Variants in WARS2 observed in about 807,000 individuals in gnomAD.
WARS2 encodes tryptophan--tRNA ligase, mitochondrial.
In WARS2, 28 loss-of-function variants were observed where a neutral mutation model predicts 36.5. The observed-to-expected ratio is 0.77, with a 90% CI of 0.57 to 1.05. WARS2 has a LOEUF of 1.05. Among genes scored for constraint, WARS2 ranks in the 50% least tolerant of loss-of-function variants. The pLI is 0.00. For missense variants in WARS2, 435 were observed against 456.8 expected, an observed-to-expected ratio of 0.95 and a Z score of 0.44; for synonymous variants, 174 against 178.4, an observed-to-expected ratio of 0.98 and a Z score of 0.20.
intron 1 of WARS2, among the ~76,000 whole-genome samples, chr1:119,076,889 C>T (rs115107741): frequency 0.021 from 3,245 of 151,918 alleles, 100 homozygotes; most frequent in African/African-American, 0.071. Context: ...CCTGTAATCC[C>T]GACACTTTGG....
intron 1 of WARS2, among the ~76,000 whole-genome samples, chr1:119,084,819 A>C (rs1176360833): frequency 6.6e-6 from 1 of 152,220 alleles, no homozygotes; most frequent in Non-Finnish European, 1.5e-5. Flanking sequence ...AATGGTACGA[A>C]GAATATCTAG....
chr1:119,092,628 T>G (rs1653123502), intron 1 of WARS2, among the ~76,000 whole-genome samples: 1 of 152,184 alleles, frequency 6.6e-6, no homozygotes, highest in African/African-American at 2.4e-5. Flanking sequence ...TCCTTTCCCT[T>G]ACCAGATTCT....
intron 2 of WARS2, among the ~76,000 whole-genome samples, chr1:119,065,799 G>C (rs758726016): frequency 6.6e-6 from 1 of 152,070 alleles, no homozygotes; most frequent in Non-Finnish European, 1.5e-5. Context: ...AGATGGTATT[G>C]GTTATAAACA....
At chr1:119,038,651 A>C (rs1169340612) in intron 4 of WARS2, among the ~76,000 whole-genome samples, 1 of 151,530 alleles carries the variant, frequency 6.6e-6, no homozygotes, top group African/African-American at 2.4e-5. Flanking sequence ...TCATTTTTCT[A>C]TATCATTTTT....
chr1:119,107,893 G>A (rs759476201), intron 1 of WARS2, among the ~76,000 whole-genome samples: 32 of 152,114 alleles, frequency 2.1e-4, no homozygotes, highest in Middle Eastern at 3.4e-3. Flanking sequence ...ATGAATGAGT[G>A]TTGCGTTTTG....
At chr1:119,107,874 GTTT>G (rs1410204903) in intron 1 of WARS2, among the ~76,000 whole-genome samples, 1 of 152,006 alleles carries the variant, frequency 6.6e-6, no homozygotes, top group African/African-American at 2.4e-5. Context: ...TTTACTGAGA[GTTT>G]TTATCATGAA....
chr1:119,090,043 G>T (rs1465086266), intron 1 of WARS2, among the ~76,000 whole-genome samples: 1 of 151,702 alleles, frequency 6.6e-6, no homozygotes, highest in Non-Finnish European at 1.5e-5. Flanking sequence ...GTGACAGGAT[G>T]ATCTGTGTAG....
intron 1 of WARS2, among the ~76,000 whole-genome samples, chr1:119,095,928 T>A (rs1653408576): frequency 6.8e-6 from 1 of 147,654 alleles, no homozygotes; most frequent in Non-Finnish European, 1.5e-5. Context: ...TTTGACACAA[T>A]CGAGTACTTA....
intron 2 of WARS2, among the ~76,000 whole-genome samples, chr1:119,068,868 C>T (rs1477918764): frequency 1.3e-5 from 2 of 152,110 alleles, no homozygotes; most frequent in African/African-American, 2.4e-5. Context: ...CACACACACA[C>T]ACACACACCT....
intron 1 of WARS2, among the ~76,000 whole-genome samples, chr1:119,088,340 G>A (rs911441730): frequency 6.6e-6 from 1 of 151,894 alleles, no homozygotes; most frequent in African/African-American, 2.4e-5. Context: ...CTCCCCAGGT[G>A]ATTCTAACAT....
At chr1:119,052,236 C>T (rs1649430351) in intron 2 of WARS2, among the ~76,000 whole-genome samples, 1 of 152,104 alleles carries the variant, frequency 6.6e-6, no homozygotes, top group Non-Finnish European at 1.5e-5. Context: ...TGGATCAAAT[C>T]TCTGTGTCCC....
At position 119,031,753 on chromosome 1, in the gene WARS2, T is replaced by C. The variant is rs991138275; in HGVS notation, c.*1158A>G. 6.6e-5 allele frequency: 10 copies of C among 152,280 alleles called. No homozygotes were observed. Among genetic ancestry groups the C allele is most frequent in the African/African-American group, 2.4e-4 (10 of 41,448 alleles). 9.4% of individuals were successfully genotyped at this position (152,280 alleles called of 1,614,324 possible). A position where few individuals can be genotyped will look rare whatever the true frequency, so the allele number is the denominator to read the frequency against. ...AGGCAAGATGAGAAGCTGTCAGTCA[T>C]TGGGAATATCTGATTTGTCAGTCTT... On this transcript the variant is annotated 3_prime_UTR_variant, in exon 6 of 6. Transcript: ENST00000235521.
At chr1:119,083,328 T>A (rs1652359258) in intron 1 of WARS2, among the ~76,000 whole-genome samples, 4 of 152,202 alleles carry the variant, frequency 2.6e-5, no homozygotes, top group Non-Finnish European at 5.9e-5. Context: ...TCCTCCTTGC[T>A]GGAGGATGCA....
intron 1 of WARS2, among the ~76,000 whole-genome samples, chr1:119,105,308 A>G (rs1423546760): frequency 1.3e-5 from 2 of 152,216 alleles, no homozygotes; most frequent in African/African-American, 4.8e-5. Context: ...ATTTTGGACA[A>G]GTTTAAGATG....
At chr1:119,087,752 GT>G (rs1399881808) in intron 1 of WARS2, among the ~76,000 whole-genome samples, 4 of 152,194 alleles carry the variant, frequency 2.6e-5, no homozygotes, top group Non-Finnish European at 5.9e-5. Context: ...TTGAGGTGGA[GT>G]AACAGGTTAA....
At chr1:119,119,243 T>C (rs1655183170) in intron 1 of WARS2, among the ~76,000 whole-genome samples, 2 of 151,960 alleles carry the variant, frequency 1.3e-5, no homozygotes, top group South Asian at 4.1e-4. Flanking sequence ...TCCATGCAAA[T>C]GGACACCAAA....
chr1:119,058,814 G>T (rs1650106314), intron 2 of WARS2, among the ~76,000 whole-genome samples: 1 of 143,718 alleles, frequency 7.0e-6, no homozygotes, highest in Admixed American at 6.7e-5. Context: ...AGTCTTTTGG[G>T]TATATACCCA....
chr1:119,128,112 T>C (rs4622109), intron 1 of WARS2, among the ~76,000 whole-genome samples: 1 of 152,168 alleles, frequency 6.6e-6, no homozygotes, highest in African/African-American at 2.4e-5. Flanking sequence ...TCTTGCTCTG[T>C]TGCCCAGGCT....
At chr1:119,074,217 T>C (rs1388128614) in intron 2 of WARS2, among the ~76,000 whole-genome samples, 4 of 152,282 alleles carry the variant, frequency 2.6e-5, no homozygotes, top group African/African-American at 9.6e-5. Flanking sequence ...GCACATTCTT[T>C]TCAGAAAGAA....
Sources: allele counts gnomAD v4.1 joint callset (sites outside exome capture counted in the v4.1 genomes callset), GRCh38; gene constraint gnomAD v4.1.1; transcripts MANE v1.5; gene names NCBI Gene and HGNC (gene_info 2026-07-23, HGNC 2026-07-21).